DLG2: variants seen among roughly 807,000 people sequenced by gnomAD.
DLG2 encodes the protein disks large homolog 2.
A neutral mutation model predicts 132.5 loss-of-function variants in DLG2; 45 were observed. The observed-to-expected ratio is 0.34, with a 90% CI of 0.27 to 0.44. DLG2 has a LOEUF of 0.44. Among genes scored for constraint, DLG2 ranks in the 20% least tolerant of loss-of-function variants. The pLI is 1.00. For synonymous variants in DLG2, 424 were observed against 419.6 expected (o/e 1.01, Z -0.13); for missense variants, 1,045 against 1,196.9 (o/e 0.87, Z 1.87).
At chr11:83,776,706 C>T (rs2094595460) in intron 18 of DLG2, among the ~76,000 whole-genome samples, 1 of 152,252 alleles carries the variant, frequency 6.6e-6, no homozygotes, top group East Asian at 1.9e-4. Flanking sequence ...AGTCCCTCCA[C>T]TGCACCATCC....
intron 7 of DLG2, among the ~76,000 whole-genome samples, chr11:84,489,485 C>T (rs1476806958): frequency 1.3e-5 from 2 of 152,092 alleles, no homozygotes; most frequent in Non-Finnish European, 2.9e-5. Context: ...CAAAAATATC[C>T]TATAGCTCTC....
chr11:85,252,996 G>A (rs1433533342), intron 4 of DLG2, among the ~76,000 whole-genome samples: 1 of 152,056 alleles, frequency 6.6e-6, no homozygotes, highest in Non-Finnish European at 1.5e-5. Flanking sequence ...TAAACCTATT[G>A]TTAAAATCCC....
intron 7 of DLG2, among the ~76,000 whole-genome samples, chr11:84,282,270 T>C (rs1184070170): frequency 6.6e-6 from 1 of 152,196 alleles, no homozygotes; most frequent in Non-Finnish European, 1.5e-5. Flanking sequence ...GTACATACTA[T>C]ATGATCTCAC....
rs141629849 is a variant in DLG2 at position 85,125,108 on chromosome 11, G to A, written c.283-13373C>T. Among the ~76,000 whole-genome samples the A allele has an allele frequency of 1.9e-3, 294 of 152,300 alleles. 3 individuals are homozygous for A. The highest frequency in any genetic ancestry group is 6.7e-3 in the African/African-American group (278 of 41,584). On this transcript the variant is annotated intron_variant, in intron 5 of 27. Transcript: ENST00000376104. ...GCCTCCCAAAGTGCTGGGATTACAG[G>A]CGTGAGCCACCGTGCCCAGCCTGAG...
chr11:83,771,194 T>C lies in DLG2; in HGVS notation c.1825+15496A>G, dbSNP rs149504172. ...CTAAAGCAACTATTTGTCTGCAATTTTATAGATAATTGTGTTTCTTTTAGA... is the reference window on the plus strand; with the variant it reads ...CTAAAGCAACTATTTGTCTGCAATTCTATAGATAATTGTGTTTCTTTTAGA... On this transcript the variant is annotated intron_variant, in intron 18 of 27. Coordinates refer to ENST00000376104, the MANE Select transcript of DLG2 (RefSeq NM_001142699.3). 9.9e-4 allele frequency among the ~76,000 whole-genome samples: 151 copies of C among 152,314 alleles called. 4 individuals are homozygous for C. In the East Asian group the frequency reaches 0.018, roughly 18 times the overall value.
At chr11:83,487,676 G>T (rs894510632) in intron 21 of DLG2, among the ~76,000 whole-genome samples, 1 of 151,994 alleles carries the variant, frequency 6.6e-6, no homozygotes. Context: ...GATGCTTGAA[G>T]ATTATTTATT....
chr11:84,830,986 T>A (rs2078986408), intron 6 of DLG2, among the ~76,000 whole-genome samples: 1 of 113,508 alleles, frequency 8.8e-6, no homozygotes. Flanking sequence ...TCTATTTCTT[T>A]TCCCCCCATA....
At position 83,656,882 on chromosome 11, in the gene DLG2, C is replaced by T. The variant is rs144962108; in HGVS notation, c.1826-23557G>A. Among the ~76,000 whole-genome samples, 518 of 152,284 alleles carry T rather than the reference C, an allele frequency of 3.4e-3. 1 individual carries two copies. The highest frequency in any genetic ancestry group is 0.012 in the African/African-American group (495 of 41,550). On this transcript the variant is annotated intron_variant, in intron 18 of 27. Coordinates refer to ENST00000376104, the MANE Select transcript of DLG2 (RefSeq NM_001142699.3). ...GAGGCCAACATCTCCCTTTCCACCA[C>T]TTGCTTCCCTCCACCCCCACCAAGA...
intron 6 of DLG2, among the ~76,000 whole-genome samples, chr11:84,714,587 CTTTCTCTTTCTTTCTCTT>C (rs2060877892): frequency 3.0e-5 from 4 of 132,122 alleles, no homozygotes; most frequent in African/African-American, 1.0e-4. Flanking sequence ...TTCTCTTTCT[CTTTCTCTTTCTTTCTCTT>C]TCTCTTTCTC....
intron 6 of DLG2, among the ~76,000 whole-genome samples, chr11:84,645,936 C>T (rs2099674395): frequency 6.6e-6 from 1 of 152,150 alleles, no homozygotes; most frequent in Non-Finnish European, 1.5e-5. Flanking sequence ...CAGGCTAACT[C>T]AGTGAAAAGA....
intron 7 of DLG2, among the ~76,000 whole-genome samples, chr11:84,316,584 A>T (rs2098358497): frequency 6.6e-6 from 1 of 152,188 alleles, no homozygotes; most frequent in Admixed American, 6.5e-5. Context: ...TAACCTGAGG[A>T]CTAGAGAAGT....
chr11:85,497,666 G>C (rs2093698564), intron 3 of DLG2, among the ~76,000 whole-genome samples: 1 of 152,028 alleles, frequency 6.6e-6, no homozygotes, highest in African/African-American at 2.4e-5. Flanking sequence ...AAAATGTTAA[G>C]GGTAACCAGA....
At chr11:84,976,778 CA>C (rs1403977968) in intron 6 of DLG2, among the ~76,000 whole-genome samples, 2 of 152,106 alleles carry the variant, frequency 1.3e-5, no homozygotes, top group East Asian at 3.9e-4. Context: ...ACTTAAAACA[CA>C]AATGCATTAT....
intron 6 of DLG2, among the ~76,000 whole-genome samples, chr11:85,017,259 T>C (rs1405101811): frequency 6.6e-6 from 1 of 152,152 alleles, no homozygotes; most frequent in East Asian, 1.9e-4. Context: ...TGGTTTTTTG[T>C]TTTGTTTTGC....
At chr11:84,620,517 C>G (rs546232110) in intron 6 of DLG2, among the ~76,000 whole-genome samples, 1 of 151,940 alleles carries the variant, frequency 6.6e-6, no homozygotes, top group East Asian at 1.9e-4. Flanking sequence ...ATATAAAGAA[C>G]TCTTAAAAAT....
intron 4 of DLG2, among the ~76,000 whole-genome samples, chr11:85,266,375 C>T (rs1047488400): frequency 2.6e-5 from 4 of 152,166 alleles, no homozygotes; most frequent in East Asian, 1.9e-4. Context: ...TACCAAACAC[C>T]GCATGTTCTC....
rs563454259 is a variant in DLG2 at position 85,462,535 on chromosome 11, G to A, written c.40+136122C>T. Among the ~76,000 whole-genome samples the A allele has an allele frequency of 2.6e-5, 4 of 152,140 alleles. No individual in the cohort carries two copies. In the East Asian group the frequency reaches 7.7e-4, roughly 29 times the overall value. ...ATGGAGCTGGAAACCATCACTCTCA[G>A]CAAACTATCACAAGGACAAAAAACC... On this transcript the variant is annotated intron_variant, in intron 3 of 27. Coordinates refer to ENST00000376104, the MANE Select transcript of DLG2 (RefSeq NM_001142699.3).
intron 6 of DLG2, among the ~76,000 whole-genome samples, chr11:85,031,069 G>T (rs1006422403): frequency 6.6e-6 from 1 of 151,776 alleles, no homozygotes; most frequent in African/African-American, 2.4e-5. Flanking sequence ...AGTAATCTAT[G>T]ATTTCAGCTT....
chr11:84,011,097 A>T (rs1275244642), intron 11 of DLG2, among the ~76,000 whole-genome samples: 1 of 152,120 alleles, frequency 6.6e-6, no homozygotes, highest in African/African-American at 2.4e-5. Flanking sequence ...AAAATAAAAC[A>T]GGTTGAGTGA....
Sources: allele counts gnomAD v4.1 joint callset (sites outside exome capture counted in the v4.1 genomes callset), GRCh38; gene constraint gnomAD v4.1.1; transcripts MANE v1.5; gene names NCBI Gene and HGNC (gene_info 2026-07-23, HGNC 2026-07-21).